The following APBA1 variants were observed in gnomAD, a reference collection of about 807,000 sequenced individuals.
APBA1 encodes the protein amyloid-beta A4 precursor protein-binding family A member 1.
APBA1 carries 55 observed loss-of-function variants against 86.6 expected under a neutral mutation model. The observed-to-expected ratio is 0.64, with a 90% CI of 0.51 to 0.80. APBA1 has a LOEUF of 0.80. Among genes scored for constraint, APBA1 ranks in the 30% least tolerant of loss-of-function variants. The pLI is 0.00. For missense variants in APBA1, 1,090 were observed against 1,183.0 expected, an observed-to-expected ratio of 0.92 and a Z score of 1.15; for synonymous variants, 511 against 493.9, an observed-to-expected ratio of 1.03 and a Z score of -0.46.
At chr9:69,591,575 G>T (rs1822129229) in intron 1 of APBA1, among the ~76,000 whole-genome samples, 1 of 152,172 alleles carries the variant, frequency 6.6e-6, no homozygotes, top group African/African-American at 2.4e-5. Flanking sequence ...CCACCTGATG[G>T]CAGGGCACGA....
At chr9:69,623,044 C>T (rs1360637529) in intron 1 of APBA1, among the ~76,000 whole-genome samples, 1 of 152,124 alleles carries the variant, frequency 6.6e-6, no homozygotes, top group Non-Finnish European at 1.5e-5. Flanking sequence ...GTCCAGGGGT[C>T]CCACTAGAAA....
chr9:69,455,138 G>A (rs1256683119), intron 8 of APBA1, among the ~76,000 whole-genome samples: 1 of 152,158 alleles, frequency 6.6e-6, no homozygotes. Context: ...GCAGCTAGAC[G>A]AATGCTGTAC....
At chr9:69,514,776 G>C (rs1836107656) in intron 2 of APBA1, among the ~76,000 whole-genome samples, 1 of 151,112 alleles carries the variant, frequency 6.6e-6, no homozygotes, top group African/African-American at 2.4e-5. Flanking sequence ...TGGACGTGGT[G>C]ACACCTGCCT....
intron 1 of APBA1, among the ~76,000 whole-genome samples, chr9:69,526,316 C>G (rs1836341380): frequency 6.6e-6 from 1 of 151,960 alleles, no homozygotes; most frequent in Non-Finnish European, 1.5e-5. Context: ...TATTTGCAAA[C>G]TATACATCTG....
intron 4 of APBA1, among the ~76,000 whole-genome samples, chr9:69,471,284 CTTAG>C (rs916772084): frequency 6.6e-5 from 10 of 152,106 alleles, no homozygotes; most frequent in African/African-American, 2.4e-4. Context: ...AAATTTCTGC[CTTAG>C]TTAATGTTCA....
At chr9:69,440,152 T>A (rs1390788726) in intron 11 of APBA1, among the ~76,000 whole-genome samples, 1 of 152,180 alleles carries the variant, frequency 6.6e-6, no homozygotes, top group Non-Finnish European at 1.5e-5. Flanking sequence ...AAGTTTTGTC[T>A]CAGAGGAGTA....
chr9:69,525,522 T>C (rs1301846783), intron 1 of APBA1, among the ~76,000 whole-genome samples: 5 of 150,408 alleles, frequency 3.3e-5, no homozygotes, highest in African/African-American at 1.2e-4. Context: ...GGAATACATC[T>C]AAGCAAAGAG....
chr9:69,638,306 C>A (rs1217667217), intron 1 of APBA1, among the ~76,000 whole-genome samples: 1 of 152,090 alleles, frequency 6.6e-6, no homozygotes, highest in Non-Finnish European at 1.5e-5. Context: ...AGTGGCAAAA[C>A]CTCAGCTCAC....
chr9:69,600,806 T>TAATAAATA (rs60164245), intron 1 of APBA1, among the ~76,000 whole-genome samples: 13,425 of 143,612 alleles, frequency 0.093, 850 homozygotes, highest in African/African-American at 0.18. Context: ...CAAAAAATAA[T>TAATAAATA]AATAAATAAA....
intron 3 of APBA1, among the ~76,000 whole-genome samples, chr9:69,473,875 G>T (rs1835403891): frequency 6.6e-6 from 1 of 152,030 alleles, no homozygotes. Flanking sequence ...TGAAATGAAA[G>T]AATCTCTAAT....
intron 1 of APBA1, among the ~76,000 whole-genome samples, chr9:69,539,621 A>G (rs1221149687): frequency 6.6e-6 from 1 of 152,018 alleles, no homozygotes; most frequent in Non-Finnish European, 1.5e-5. Flanking sequence ...TCCTTGAATG[A>G]TTTCTCATCT....
chr9:69,559,196 T>C (rs2133936548), intron 1 of APBA1, among the ~76,000 whole-genome samples: 1 of 152,302 alleles, frequency 6.6e-6, no homozygotes, highest in East Asian at 1.9e-4. Flanking sequence ...AAAAGCAAAT[T>C]AAAAAGTCTT....
intron 10 of APBA1, among the ~76,000 whole-genome samples, chr9:69,446,414 T>C (rs1023307819): frequency 2.0e-5 from 3 of 152,232 alleles, no homozygotes; most frequent in African/African-American, 7.2e-5. Context: ...TTTCTTTTCT[T>C]ACTCTTCATC....
chr9:69,491,047 C>T (rs1346836302), intron 2 of APBA1, among the ~76,000 whole-genome samples: 3 of 152,058 alleles, frequency 2.0e-5, no homozygotes, highest in East Asian at 1.9e-4. Flanking sequence ...GTCAGTGTGG[C>T]GATTCCTCAA....
chr9:69,504,792 C>T (rs1280181215), intron 2 of APBA1, among the ~76,000 whole-genome samples: 1 of 151,988 alleles, frequency 6.6e-6, no homozygotes, highest in Non-Finnish European at 1.5e-5. Flanking sequence ...CTTGCCATGT[C>T]CCCAGTTTCA....
intron 1 of APBA1, among the ~76,000 whole-genome samples, chr9:69,604,638 G>A (rs531697662): frequency 1.1e-4 from 16 of 147,038 alleles, no homozygotes; most frequent in African/African-American, 2.0e-4. Flanking sequence ...ACATGAGTGC[G>A]GGCACACATG....
chr9:69,523,479 ATATATATATATATATATG>A (rs1428245366), intron 1 of APBA1, among the ~76,000 whole-genome samples: 1,625 of 80,344 alleles, frequency 0.02, 8 homozygotes, highest in African/African-American at 0.029. Context: ...ATATATATGT[ATATATATATATATATATG>A]TATATATATA....
intron 1 of APBA1, among the ~76,000 whole-genome samples, chr9:69,598,238 T>A (rs1822272140): frequency 6.7e-6 from 1 of 148,920 alleles, no homozygotes; most frequent in African/African-American, 2.5e-5. Flanking sequence ...AACAATGAGA[T>A]CACATGGACA....
rs535805064 is a variant in APBA1 at position 69,568,927 on chromosome 9, C to T, written c.-69-51648G>A. 4.7e-4 allele frequency among the ~76,000 whole-genome samples: 72 copies of T among 152,242 alleles called. 1 individual carries two copies. In the South Asian group the frequency reaches 0.011, roughly 24 times the overall value. ...TCCAGCTAAGCTTTTTAGAGGTATA[C>T]GTGAGCCAGGATATAAAAACTGGAC... On this transcript the variant is annotated intron_variant, in intron 1 of 12. Coordinates refer to ENST00000265381, the MANE Select transcript of APBA1 (RefSeq NM_001163.4).
Sources: gnomAD v4.1 joint callset for allele counts (sites outside exome capture counted in the v4.1 genomes callset) on GRCh38, gnomAD v4.1.1 for gene constraint, MANE v1.5 for transcripts, NCBI Gene and HGNC (gene_info 2026-07-23, HGNC 2026-07-21) for gene names.